C11orf54: variants seen among roughly 807,000 people sequenced by gnomAD.
The protein encoded by C11orf54 is beta-keto-L-gulonate decarboxylase, also known as beta-keto L-gulonate decarboxylase.
A neutral mutation model predicts 35.5 loss-of-function variants in C11orf54; 29 were observed. The ratio of observed to expected loss-of-function variants is 0.82; its 90% CI spans 0.61 to 1.11. The LOEUF is 1.11. C11orf54 is among the 50% of genes most tolerant of loss of function. C11orf54 has a pLI of 0.00. For synonymous variants in C11orf54, 108 were observed against 121.1 expected, an observed-to-expected ratio of 0.89 and a Z score of 0.71; for missense variants, 373 against 369.2, an observed-to-expected ratio of 1.01 and a Z score of -0.08.
At chr11:93,744,927 G>T (rs1043512213) in intron 1 of C11orf54, among the ~76,000 whole-genome samples, 1 of 152,012 alleles carries the variant, frequency 6.6e-6, no homozygotes, top group Non-Finnish European at 1.5e-5. Flanking sequence ...GGGTGATGGT[G>T]GGGAGAAGGT....
At chr11:93,760,601 G>GA (rs1048634609) in intron 8 of C11orf54, among the ~76,000 whole-genome samples, 41 of 152,102 alleles carry the variant, frequency 2.7e-4, no homozygotes, top group African/African-American at 9.7e-4. Context: ...CTATACGCTA[G>GA]AAAAAATATT....
chr11:93,750,331 C>G lies in C11orf54; in HGVS notation c.56-15C>G. The G allele has an allele frequency of 6.2e-7, 1 of 1,605,552 alleles. No homozygotes were observed. Among genetic ancestry groups the G allele is most frequent in the South Asian group, 1.1e-5 (1 of 90,574 alleles). ...TTACCTAATGTTAAATAATCTTATT[C>G]CTTGTCTTTATTAGTTATGCAGAAG... On this transcript the variant is annotated splice_polypyrimidine_tract_variant and intron_variant, in intron 2 of 8. Transcript: ENST00000354421.
chr11:93,755,311 A>G lies in C11orf54; in HGVS notation c.432A>G (p.Lys144=). ...NPADGGCLLE[K]YSEKCHDFQC... is the part of the protein sequence containing the mutation. The stretch of plus-strand genomic sequence containing the variant: ...CAGATGGAGGGTGCCTACTGGAGAA[A>G]TACAGTGAGAAATGTCATGATTTTC... The change falls in exon 6 of 9, where the codon AAA becomes AAG. Residue 144 remains lysine, a synonymous_variant. Coordinates refer to ENST00000354421, the MANE Select transcript of C11orf54 (RefSeq NM_001286069.2). 6.2e-7 allele frequency: 1 copy of G among 1,614,204 alleles called. No homozygotes were observed. The highest frequency in any genetic ancestry group is 8.5e-7 in the Non-Finnish European group (1 of 1,180,038).
chr11:93,742,981 T>A (rs1455955916), intron 1 of C11orf54: 1 of 152,096 alleles, frequency 6.6e-6, no homozygotes, highest in Non-Finnish European at 1.5e-5. Flanking sequence ...ATTTCACATT[T>A]CATTTTGTAT....
rs564554210 is a variant in C11orf54 at position 93,757,570 on chromosome 11, C to G, written c.657+105C>G. On this transcript the variant is annotated intron_variant, in intron 7 of 8. Transcript: ENST00000354421. ...TTTTAAACGGATCCTTGCTCTGTTG[C>G]CCATGCTGGAGTGTAGTGGCACAAT... is the stretch of plus-strand genomic sequence containing the variant. 20 of 1,257,708 alleles carry G rather than the reference C, an allele frequency of 1.6e-5. No individual in the cohort carries two copies. In the Middle Eastern group the frequency reaches 6.0e-4, roughly 38 times the overall value. 77.9% of individuals were successfully genotyped at this position (1,257,708 alleles called of 1,614,324 possible). A position where few individuals can be genotyped will look rare whatever the true frequency, so the allele number is the denominator to read the frequency against.
intron 6 of C11orf54, among the ~76,000 whole-genome samples, chr11:93,756,342 A>G (rs1486352159): frequency 5.4e-5 from 8 of 148,440 alleles, no homozygotes; most frequent in Non-Finnish European, 8.9e-5. Context: ...TTTTTTTTTT[A>G]ATTAGCCAGG....
intron 6 of C11orf54, among the ~76,000 whole-genome samples, 176 bp from the exon 7 acceptor site, chr11:93,757,140 G>A (rs1943196681): frequency 6.6e-6 from 1 of 151,274 alleles, no homozygotes; most frequent in Non-Finnish European, 1.5e-5. Flanking sequence ...GTGTGTGTGT[G>A]CATACATATA....
intron 5 of C11orf54, among the ~76,000 whole-genome samples, chr11:93,754,642 T>A (rs1319931543): frequency 2.0e-5 from 3 of 152,032 alleles, no homozygotes; most frequent in African/African-American, 7.2e-5. Context: ...ATTTGCCTAG[T>A]GTTCAAGTTA....
At position 93,762,998 on chromosome 11, in the gene C11orf54, T is replaced by C. The variant is rs1943541784; in HGVS notation, c.*1310T>C. 6.6e-6 allele frequency: 1 copy of C among 152,372 alleles called. No homozygotes were observed. Among genetic ancestry groups the C allele is most frequent in the East Asian group, 1.9e-4 (1 of 5,194 alleles). The allele number at this position is 152,372 out of a possible 1,614,324, so 9.4% of individuals were successfully genotyped here. ...AATAATATTTTTTAATTGTCTACTT[T>C]GGATGTTAGCTATGTCTTGTGAGTA... On this transcript the variant is annotated 3_prime_UTR_variant, in exon 9 of 9. Coordinates refer to ENST00000354421, the MANE Select transcript of C11orf54 (RefSeq NM_001286069.2).
In C11orf54 at chr11:93,761,652, TC is replaced by T. The variant is rs765552124; in HGVS notation, c.913del (p.Gln305AsnfsTer27). 1.9e-6 allele frequency: 3 copies of T among 1,611,064 alleles called. No homozygotes were observed. The highest frequency in any genetic ancestry group is 2.5e-6 in the Non-Finnish European group (3 of 1,178,912). On this transcript the variant is annotated frameshift_variant, in exon 9 of 9. Coordinates refer to ENST00000354421, the MANE Select transcript of C11orf54 (RefSeq NM_001286069.2). LOFTEE classifies it high-confidence loss of function. The stretch of plus-strand genomic sequence containing the variant: ...CTGCAGAGTTTCTCTATCGCATTGA[TC>T]AACCAAAAGAGACGCATTCAATTGG... ...LPAEFLYRID[Q>X]PKETHSIGRD
intron 1 of C11orf54, chr11:93,742,180 C>T (rs959528371): frequency 2.6e-5 from 4 of 152,996 alleles, no homozygotes; most frequent in East Asian, 3.9e-4. Flanking sequence ...TAAGTTTCCT[C>T]CTACATCCCC....
intron 1 of C11orf54, among the ~76,000 whole-genome samples, chr11:93,743,239 G>A (rs1471771548): frequency 6.6e-6 from 1 of 152,062 alleles, no homozygotes; most frequent in Non-Finnish European, 1.5e-5. Flanking sequence ...GACCTCAAGT[G>A]ATCCGTCTGC....
At chr11:93,744,070 C>T (rs748240687) in intron 1 of C11orf54, among the ~76,000 whole-genome samples, 6 of 152,154 alleles carry the variant, frequency 3.9e-5, no homozygotes, top group African/African-American at 9.7e-5. Flanking sequence ...TAGAATTGGA[C>T]GGGCCTTCAT....
chr11:93,752,183 G>A (rs1942870221), intron 3 of C11orf54, among the ~76,000 whole-genome samples: 1 of 152,028 alleles, frequency 6.6e-6, no homozygotes, highest in African/African-American at 2.4e-5. Context: ...GCAGAGTTAT[G>A]CTTGGAAGAA....
At chr11:93,752,627 CCTTAGCCTCTT>C (rs1942901102) in intron 3 of C11orf54, among the ~76,000 whole-genome samples, 1 of 151,858 alleles carries the variant, frequency 6.6e-6, no homozygotes, top group African/African-American at 2.4e-5. Flanking sequence ...AGAATTCTTT[CCTTAGCCTCTT>C]CTTATTTCTA....
chr11:93,748,638 C>T (rs1942617976), intron 2 of C11orf54, among the ~76,000 whole-genome samples: 1 of 151,836 alleles, frequency 6.6e-6, no homozygotes, highest in African/African-American at 2.4e-5. Context: ...GAGTTCAAGA[C>T]CAGCCTGGCC....
intron 1 of C11orf54, 142 bp from the exon 2 acceptor site, chr11:93,747,155 G>T: frequency 3.1e-6 from 1 of 324,836 alleles, no homozygotes. Context: ...ATAAAATAAA[G>T]TGTAAGTATT....
chr11:93,755,264 T>G lies in C11orf54; in HGVS notation c.385T>G (p.Tyr129Asp), dbSNP rs371570110. The G allele has an allele frequency of 3.1e-6, 5 of 1,614,148 alleles. No individual in the cohort carries two copies. Among genetic ancestry groups the G allele is most frequent in the Non-Finnish European group, 4.2e-6 (5 of 1,179,996 alleles). The change falls in exon 6 of 9, where the codon TAC becomes GAC. Residue 129 changes from tyrosine to aspartate, a missense_variant. By Grantham distance (160) the Tyr-to-Asp change is radical (BLOSUM62 -3). Coordinates refer to ENST00000354421, the MANE Select transcript of C11orf54 (RefSeq NM_001286069.2). ...ACACAAGCCTCCTGTAAATGGAAGT[T>G]ACTTTGCCCATGTGAACCCTGCAGA... ...SEHKPPVNGS[Y>D]FAHVNPADGG...
intron 2 of C11orf54, among the ~76,000 whole-genome samples, chr11:93,749,324 A>G (rs1248865029): frequency 6.6e-6 from 1 of 151,902 alleles, no homozygotes; most frequent in Admixed American, 6.6e-5. Context: ...TTTACAGAAA[A>G]TACAAAAATT....
Sources: gnomAD v4.1 joint callset for allele counts (sites outside exome capture counted in the v4.1 genomes callset) on GRCh38, gnomAD v4.1.1 for gene constraint, MANE v1.5 for transcripts, NCBI Gene and HGNC (gene_info 2026-07-23, HGNC 2026-07-21) for gene names.